EPHA5: variants seen among roughly 807,000 people sequenced by gnomAD.
EPHA5 encodes EPH receptor A5, also known as ephrin type-A receptor 5.
EPHA5 carries 60 observed loss-of-function variants against 105.0 expected under a neutral mutation model. The ratio of observed to expected loss-of-function variants is 0.57; its 90% CI spans 0.46 to 0.71. EPHA5 has a LOEUF of 0.71. Ranked by LOEUF, EPHA5 falls within the 30% of genes least tolerant of loss-of-function variation. EPHA5 has a pLI of 0.00. For missense variants in EPHA5, 1,218 were observed against 1,274.7 expected (o/e 0.96, Z 0.68); for synonymous variants, 513 against 449.1 (o/e 1.14, Z -1.80).
intron 7 of EPHA5, among the ~76,000 whole-genome samples, chr4:65,413,613 A>G (rs747854822): frequency 4.6e-5 from 7 of 152,138 alleles, no homozygotes; most frequent in Non-Finnish European, 8.8e-5. Context: ...TACTTCTGCC[A>G]TTTCACAATA....
At position 65,528,327 on chromosome 4, in the gene EPHA5, T is replaced by TA. The variant is rs200170775; in HGVS notation, c.911-32785dup. On this transcript the variant is annotated intron_variant, in intron 3 of 16. Transcript: ENST00000613740. ...AATTAAACTGAAATATAATGTGCCT[T>TA]AATTTAAGTAATATTTTTTGCAAAG... Among the ~76,000 whole-genome samples, 1,093 of 152,244 alleles carry TA rather than the reference T, an allele frequency of 7.2e-3. 16 individuals are homozygous for TA. The highest frequency in any genetic ancestry group is 0.025 in the African/African-American group (1,034 of 41,550).
rs570391007 is a variant in EPHA5, at chr4:65,346,035, T to C, written c.2595+2019A>G. ...GTCTCGGCCTCCCAAAGTGCTGGGA[T>C]TACAGGCATGAGCCACCGCGGCCAG... On this transcript the variant is annotated intron_variant, in intron 14 of 16. Coordinates refer to ENST00000613740, the MANE Select transcript of EPHA5 (RefSeq NM_001281766.3). Among the ~76,000 whole-genome samples, 669 of 151,830 alleles carry C rather than the reference T, an allele frequency of 4.4e-3. 7 individuals are homozygous for C. Among genetic ancestry groups the C allele is most frequent in the African/African-American group, 0.015 (635 of 41,462 alleles).
intron 13 of EPHA5, among the ~76,000 whole-genome samples, chr4:65,348,777 G>T (rs1195974141): frequency 1.1e-5 from 1 of 87,392 alleles, no homozygotes; most frequent in Non-Finnish European, 2.4e-5. Flanking sequence ...ATATGTGTGT[G>T]CATGTGTGTG....
chr4:65,536,980 T>C (rs1736352864), intron 3 of EPHA5, among the ~76,000 whole-genome samples: 1 of 151,778 alleles, frequency 6.6e-6, no homozygotes, highest in East Asian at 1.9e-4. Flanking sequence ...CTTTAAATGG[T>C]AGATGAATTA....
At chr4:65,630,265 G>T (rs967184107) in intron 2 of EPHA5, among the ~76,000 whole-genome samples, 1 of 152,166 alleles carries the variant, frequency 6.6e-6, no homozygotes, top group Non-Finnish European at 1.5e-5. Flanking sequence ...GAGATCTCAA[G>T]AGTTGGGCGG....
intron 1 of EPHA5, among the ~76,000 whole-genome samples, chr4:65,656,965 T>C (rs12108572): frequency 0.2 from 30,414 of 150,568 alleles, 3,489 homozygotes; most frequent in Non-Finnish European, 0.25. Context: ...TTTTTTTTTT[T>C]CTGGAGAAAT....
At chr4:65,602,456 A>G (rs765769512) in intron 2 of EPHA5, 152 bp from the exon 3 acceptor site, 167 of 552,748 alleles carry the variant, frequency 3.0e-4, no homozygotes, top group Non-Finnish European at 3.7e-4. Context: ...GATATAAAGT[A>G]TTGGGAGAAG....
intron 11 of EPHA5, among the ~76,000 whole-genome samples, chr4:65,364,127 G>GAAAC (rs1717615081): frequency 6.6e-6 from 1 of 151,470 alleles, no homozygotes; most frequent in African/African-American, 2.4e-5. Flanking sequence ...ACTGGAGGAA[G>GAAAC]AAACACATCT....
chr4:65,444,273 C>A (rs1052390852), intron 5 of EPHA5, among the ~76,000 whole-genome samples: 2 of 152,078 alleles, frequency 1.3e-5, no homozygotes, highest in Non-Finnish European at 2.9e-5. Flanking sequence ...AATATCTATC[C>A]TTAAGTTGTT....
intron 5 of EPHA5, among the ~76,000 whole-genome samples, chr4:65,448,395 C>T (rs998995442): frequency 5.3e-5 from 8 of 152,060 alleles, no homozygotes; most frequent in Non-Finnish European, 4.4e-5. Context: ...TGCCTGTAAT[C>T]CCAGCACTTT....
In EPHA5 at chr4:65,323,577, A is replaced by G. The variant is rs969902410; in HGVS notation, c.*537T>C. 3 of 230,192 alleles carry G rather than the reference A, an allele frequency of 1.3e-5. No individual in the cohort carries two copies. Among genetic ancestry groups the G allele is most frequent in the African/African-American group, 4.4e-5 (2 of 45,164 alleles). The allele number at this position is 230,192 out of a possible 1,614,324, so 14.3% of individuals were successfully genotyped here. ...GTTTACACACTAGTTTCTATAACTT[A>G]ACGCTGTGTAACAGCATTTTAAAAT... is the stretch of plus-strand genomic sequence containing the variant. On this transcript the variant is annotated 3_prime_UTR_variant, in exon 17 of 17. Transcript: ENST00000613740.
At chr4:65,605,895 A>G (rs1040335431) in intron 2 of EPHA5, among the ~76,000 whole-genome samples, 15 of 152,148 alleles carry the variant, frequency 9.9e-5, no homozygotes, top group Non-Finnish European at 1.8e-4. Flanking sequence ...CTAATATTCA[A>G]TAGAGAACAT....
chr4:65,348,081 T>C lies in EPHA5; in HGVS notation c.2568A>G (p.Arg856=), dbSNP rs2148841803. 6.2e-7 allele frequency: 1 copy of C among 1,608,484 alleles called. No individual in the cohort carries two copies. The highest frequency in any genetic ancestry group is 1.3e-5 in the African/African-American group (1 of 74,604). The change falls in exon 14 of 17, where the codon AGA becomes AGG. Residue 856 remains arginine (R), a synonymous_variant. Coordinates refer to ENST00000613740, the MANE Select transcript of EPHA5 (RefSeq NM_001281766.3). The part of the protein sequence containing the change: ...VMWEVVSYGE[R]PYWEMTNQDV... ...CTTGATTGGTCATCTCCCAGTAGGG[T>C]CTCTCTCCATAAGACACAACTTCCC... is the stretch of plus-strand genomic sequence containing the variant.
At chr4:65,364,882 TA>T in intron 11 of EPHA5, 134 bp downstream of exon 11, 1 of 622,832 alleles carries the variant, frequency 1.6e-6, no homozygotes, top group Non-Finnish European at 2.4e-6. Context: ...AAAAATCTAC[TA>T]AAATACAGGA....
intron 2 of EPHA5, among the ~76,000 whole-genome samples, chr4:65,640,044 C>T (rs1747499542): frequency 6.6e-6 from 1 of 152,100 alleles, no homozygotes; most frequent in South Asian, 2.1e-4. Context: ...TGGGCATCTT[C>T]AGTACAAAGT....
chr4:65,479,618 G>C (rs567805271), intron 5 of EPHA5, among the ~76,000 whole-genome samples: 1 of 152,122 alleles, frequency 6.6e-6, no homozygotes, highest in Non-Finnish European at 1.5e-5. Flanking sequence ...TAAAATGACT[G>C]TATCAGGGCT....
At chr4:65,484,607 G>C (rs6551930) in intron 5 of EPHA5, among the ~76,000 whole-genome samples, 2 of 151,926 alleles carry the variant, frequency 1.3e-5, no homozygotes, top group East Asian at 1.9e-4. Flanking sequence ...TGTCTGTTTC[G>C]GCCCAGAATT....
chr4:65,561,088 C>A (rs1201291795), intron 3 of EPHA5, among the ~76,000 whole-genome samples: 1 of 151,800 alleles, frequency 6.6e-6, no homozygotes, highest in Non-Finnish European at 1.5e-5. Context: ...GGAATTCATA[C>A]TTTTTCTATC....
intron 1 of EPHA5, among the ~76,000 whole-genome samples, chr4:65,663,589 A>G (rs1749723888): frequency 1.3e-5 from 2 of 152,092 alleles, no homozygotes; most frequent in South Asian, 2.1e-4. Context: ...CTAACAGATT[A>G]TATCATGTAA....
Sources: allele counts gnomAD v4.1 joint callset (sites outside exome capture counted in the v4.1 genomes callset), GRCh38; gene constraint gnomAD v4.1.1; transcripts MANE v1.5; gene names NCBI Gene and HGNC (gene_info 2026-07-23, HGNC 2026-07-21).